Variants in DCC observed in about 807,000 individuals in gnomAD.
The protein encoded by DCC is DCC netrin 1 receptor.
Under a neutral mutation model 172.5 loss-of-function variants are expected in DCC, and 58 were observed. The ratio of observed to expected loss-of-function variants is 0.34; its 90% confidence interval spans 0.27 to 0.42. The LOEUF (loss-of-function observed/expected upper bound fraction) is 0.42. DCC is among the 10% of genes least tolerant of loss of function. DCC has a pLI of 1.00. For synonymous variants in DCC, 709 were observed against 644.5 expected, an observed-to-expected ratio of 1.10 and a Z score of -1.52; for missense variants, 1,740 against 1,791.0, an observed-to-expected ratio of 0.97 and a Z score of 0.51.
chr18:52,950,466 A>G (rs1341266284), intron 5 of DCC, among the ~76,000 whole-genome samples: 1 of 152,226 alleles, frequency 6.6e-6, no homozygotes, highest in Non-Finnish European at 1.5e-5. Flanking sequence ...AGAAGGCTCT[A>G]AACAAATTCC....
intron 18 of DCC, among the ~76,000 whole-genome samples, chr18:53,401,609 T>TTAGAGACTGATTTCTAAC (rs1410497987): frequency 3.3e-5 from 5 of 152,266 alleles, no homozygotes; most frequent in Admixed American, 2.0e-4. Context: ...GAGTTCAGAA[T>TTAGAGACTGATTTCTAAC]TAGAGACTGA....
At chr18:52,982,261 T>TACTC (rs2041224273) in intron 5 of DCC, among the ~76,000 whole-genome samples, 1 of 152,188 alleles carries the variant, frequency 6.6e-6, no homozygotes, top group Non-Finnish European at 1.5e-5. Flanking sequence ...TACAGTGGTA[T>TACTC]ACTCACAAGA....
At chr18:53,521,872 G>A (rs1386298459) in intron 27 of DCC, among the ~76,000 whole-genome samples, 2 of 152,030 alleles carry the variant, frequency 1.3e-5, no homozygotes, top group African/African-American at 4.8e-5. Flanking sequence ...AATATATAGA[G>A]ACAAATGTTC....
intron 1 of DCC, among the ~76,000 whole-genome samples, chr18:52,445,017 C>T (rs752618874): frequency 6.6e-6 from 1 of 152,076 alleles, no homozygotes; most frequent in African/African-American, 2.4e-5. Context: ...AAAAGCAATG[C>T]ATTTTTCTTT....
chr18:52,534,669 A>T (rs1378577249), intron 1 of DCC, among the ~76,000 whole-genome samples: 1 of 152,186 alleles, frequency 6.6e-6, no homozygotes, highest in Non-Finnish European at 1.5e-5. Flanking sequence ...CACCTTGCAG[A>T]TTGAGAGTAA....
chr18:52,791,051 G>A (rs894800406), intron 2 of DCC, among the ~76,000 whole-genome samples: 1 of 152,104 alleles, frequency 6.6e-6, no homozygotes, highest in African/African-American at 2.4e-5. Flanking sequence ...TGGTGGAGAT[G>A]GAGGAGCTGG....
chr18:53,468,161 A>T (rs1273815524), intron 25 of DCC, 151 bp downstream of exon 25: 1 of 660,514 alleles, frequency 1.5e-6, no homozygotes, highest in African/African-American at 1.8e-5. Flanking sequence ...TATCATTAAT[A>T]ATTTGAAGTC....
chr18:52,891,934 C>A (rs967955892), intron 2 of DCC, among the ~76,000 whole-genome samples: 1 of 152,108 alleles, frequency 6.6e-6, no homozygotes, highest in Non-Finnish European at 1.5e-5. Context: ...GAATGATCTT[C>A]CAGATATGTA....
chr18:52,794,669 T>C (rs181246930), intron 2 of DCC, among the ~76,000 whole-genome samples: 74 of 152,256 alleles, frequency 4.9e-4, no homozygotes, highest in African/African-American at 1.7e-3. Context: ...TCCAGTACTA[T>C]GCTGAATAAA....
At chr18:52,817,670 C>T (rs924339255) in intron 2 of DCC, among the ~76,000 whole-genome samples, 1 of 151,872 alleles carries the variant, frequency 6.6e-6, no homozygotes, top group Non-Finnish European at 1.5e-5. Context: ...ACGTATTTGC[C>T]TAATGTGTAT....
chr18:53,037,999 T>A, intron 5 of DCC, among the ~76,000 whole-genome samples: 1 of 151,954 alleles, frequency 6.6e-6, no homozygotes, highest in East Asian at 1.9e-4. Context: ...TGGAAATAGA[T>A]CTCACCCTAG....
chr18:53,407,528 G>GAGATATATATATATATAT, intron 19 of DCC, among the ~76,000 whole-genome samples: 1 of 117,446 alleles, frequency 8.5e-6, no homozygotes, highest in East Asian at 3.2e-4. Context: ...TTTTATTCTG[G>GAGATATATATATATATAT]ATATATATAT....
chr18:52,341,846 G>A (rs911460684), intron 1 of DCC, among the ~76,000 whole-genome samples: 2 of 152,004 alleles, frequency 1.3e-5, no homozygotes, highest in African/African-American at 4.8e-5. Context: ...GAGCGGTCCT[G>A]GCAAAGAAGG....
chr18:53,513,571 C>G (rs1399686364), intron 27 of DCC, among the ~76,000 whole-genome samples: 1 of 152,096 alleles, frequency 6.6e-6, no homozygotes, highest in Non-Finnish European at 1.5e-5. Context: ...GGAAACCCAT[C>G]TCACATGCAG....
chr18:53,128,904 T>TATATATATATATATATATATA (rs2043610955), intron 7 of DCC, among the ~76,000 whole-genome samples: 1 of 139,662 alleles, frequency 7.2e-6, no homozygotes, highest in Non-Finnish European at 1.5e-5. Context: ...TATATATATA[T>TATATATATATATATATATATA]TATTTGGAGT....
chr18:52,757,717 A>G (rs1311569711), intron 2 of DCC, among the ~76,000 whole-genome samples: 1 of 152,160 alleles, frequency 6.6e-6, no homozygotes, highest in Non-Finnish European at 1.5e-5. Context: ...TTTTAACATT[A>G]AAACCACTGA....
In DCC at chr18:52,803,378, A is replaced by G. The variant is rs561025621; in HGVS notation, c.412+51004A>G. On this transcript the variant is annotated intron_variant, in intron 2 of 28. Transcript: ENST00000442544. ...ACTGCAGTAACAATGGGAGGTGGCT[A>G]TGAAATTATCACAGTAGTACAATGT... is the stretch of plus-strand genomic sequence containing the variant. 2.0e-5 allele frequency among the ~76,000 whole-genome samples: 3 copies of G among 152,302 alleles called. No homozygotes were observed. The South Asian group carries it at 6.2e-4, about 32-fold the overall frequency.
At chr18:53,153,674 A>G (rs2054680694) in intron 7 of DCC, among the ~76,000 whole-genome samples, 1 of 152,150 alleles carries the variant, frequency 6.6e-6, no homozygotes, top group African/African-American at 2.4e-5. Context: ...GTTTTTATAT[A>G]TTTTCTAAAT....
intron 1 of DCC, among the ~76,000 whole-genome samples, chr18:52,564,558 T>C (rs147511728): frequency 4.1e-4 from 62 of 152,076 alleles, no homozygotes; most frequent in African/African-American, 1.3e-3. Context: ...ACAGAAATTT[T>C]AAGAATAAGT....
Sources: gnomAD v4.1 joint callset for allele counts (sites outside exome capture counted in the v4.1 genomes callset) on GRCh38, gnomAD v4.1.1 for gene constraint, MANE v1.5 for transcripts, NCBI Gene and HGNC (gene_info 2026-07-23, HGNC 2026-07-21) for gene names.